The following PCDH11X variants were observed in gnomAD, a reference collection of about 807,000 sequenced individuals.
PCDH11X encodes protocadherin-11 X-linked.
Under a neutral mutation model 53.3 loss-of-function variants are expected in PCDH11X, and 18 were observed. The observed-to-expected ratio is 0.34, with a 90% CI of 0.23 to 0.50. The LOEUF is 0.50. Ranked by LOEUF, PCDH11X falls within the 20% of genes least tolerant of loss-of-function variation. The pLI is 0.98. For missense variants in PCDH11X, 570 were observed against 1,032.4 expected (o/e 0.55, Z 6.14); for synonymous variants, 279 against 393.3 (o/e 0.71, Z 3.44).
chrX:91,813,074 G>A (rs940202880), intron 4 of PCDH11X, among the ~76,000 whole-genome samples: 2 of 111,109 alleles, frequency 1.8e-5, no homozygotes, highest in Admixed American at 9.7e-5. Context: ...TTAACATTCA[G>A]GTAGTAAAGC....
chrX:91,982,859 A>G, intron 6 of PCDH11X: 1 of 904,921 alleles, frequency 1.1e-6, no homozygotes. Context: ...AACGCGTGTT[A>G]CTGTTTCCTG....
chrX:92,090,823 G>C (rs1425718934), intron 6 of PCDH11X, among the ~76,000 whole-genome samples: 1 of 111,768 alleles, frequency 8.9e-6, no homozygotes, highest in Non-Finnish European at 1.9e-5. Context: ...ACAGACAAAT[G>C]GAGATCCAAT....
chrX:91,960,254 G>A (rs1247731735), intron 6 of PCDH11X, among the ~76,000 whole-genome samples: 3 of 107,305 alleles, frequency 2.8e-5, no homozygotes, highest in Non-Finnish European at 5.8e-5. Flanking sequence ...TTCCTTTGCT[G>A]TGTATAAGCT....
chrX:91,880,034 C>T (rs1444766677), intron 6 of PCDH11X: 1 of 610,558 alleles, frequency 1.6e-6, no homozygotes, highest in African/African-American at 2.8e-5. Flanking sequence ...AAAATGTTTG[C>T]TTTCTCTAAT....
intron 7 of PCDH11X, among the ~76,000 whole-genome samples, chrX:92,235,544 C>A (rs2067154462): frequency 1.8e-5 from 2 of 111,421 alleles, no homozygotes; most frequent in African/African-American, 6.5e-5. Flanking sequence ...CAATTTTCTG[C>A]AGATGGAATT....
chrX:91,821,068 T>A (rs1023771553), intron 4 of PCDH11X, among the ~76,000 whole-genome samples: 73 of 105,795 alleles, frequency 6.9e-4, no homozygotes, highest in African/African-American at 2.3e-3. Flanking sequence ...CTGTTTTGGT[T>A]ACTGTAGCCT....
chrX:92,545,236 G>T (rs1268028376), intron 10 of PCDH11X, among the ~76,000 whole-genome samples: 1 of 110,263 alleles, frequency 9.1e-6, no homozygotes, highest in African/African-American at 3.3e-5. Context: ...TGTGCATATT[G>T]TTCCATTTTT....
chrX:92,403,307 G>GGATATGTGTCCACTGC (rs2071425946), intron 9 of PCDH11X, among the ~76,000 whole-genome samples: 1 of 99,980 alleles, frequency 1.0e-5, no homozygotes, highest in East Asian at 3.8e-4. Flanking sequence ...GTGTGTACTG[G>GGATATGTGTCCACTGC]GATATGTGTC....
At chrX:92,490,580 CAGAA>C (rs1201718346) in intron 10 of PCDH11X, among the ~76,000 whole-genome samples, 2 of 110,118 alleles carry the variant, frequency 1.8e-5, no homozygotes, top group Admixed American at 9.9e-5. Flanking sequence ...AGCCAGATGT[CAGAA>C]AGAGAGTCCA....
chrX:92,309,684 A>G (rs1015901473), intron 8 of PCDH11X, among the ~76,000 whole-genome samples: 3 of 111,987 alleles, frequency 2.7e-5, no homozygotes, highest in Non-Finnish European at 5.6e-5. Context: ...AATGAAAGAA[A>G]CAAATTTACA....
At chrX:92,482,473 G>A (rs1385089712) in intron 10 of PCDH11X, among the ~76,000 whole-genome samples, 2 of 110,752 alleles carry the variant, frequency 1.8e-5, no homozygotes, top group African/African-American at 6.6e-5. Context: ...AGTATTTTCA[G>A]CCACTTTTAA....
intron 7 of PCDH11X, among the ~76,000 whole-genome samples, chrX:92,254,635 G>C (rs1311756090): frequency 1.8e-5 from 2 of 108,861 alleles, no homozygotes; most frequent in Admixed American, 2.0e-4. Flanking sequence ...GGGCAGGCCT[G>C]GTGGTGACAA....
intron 6 of PCDH11X, among the ~76,000 whole-genome samples, chrX:92,114,748 G>T (rs759800531): frequency 9.0e-6 from 1 of 111,298 alleles, no homozygotes; most frequent in South Asian, 3.8e-4. Context: ...GCATAAACTT[G>T]CAGCTTCCAT....
chrX:92,472,119 C>T (rs2750754), intron 10 of PCDH11X, among the ~76,000 whole-genome samples: 9,560 of 109,701 alleles, frequency 0.087, 800 homozygotes, highest in East Asian at 0.46. Context: ...AGATCTCATT[C>T]GTCAGTTTTT....
intron 9 of PCDH11X, among the ~76,000 whole-genome samples, chrX:92,393,529 C>A (rs140337897): frequency 3.6e-5 from 4 of 110,559 alleles, no homozygotes; most frequent in East Asian, 2.8e-4. Context: ...CATTGCCTTG[C>A]CAACAGAAAA....
At chrX:92,456,625 G>T (rs1161055545) in intron 9 of PCDH11X, among the ~76,000 whole-genome samples, 1 of 111,343 alleles carries the variant, frequency 9.0e-6, no homozygotes, top group Non-Finnish European at 1.9e-5. Flanking sequence ...ACAGCATTTG[G>T]TTTATTCAAA....
intron 6 of PCDH11X, among the ~76,000 whole-genome samples, chrX:91,955,991 C>G (rs891923823): frequency 2.5e-4 from 28 of 109,837 alleles, no homozygotes; most frequent in Non-Finnish European, 5.1e-4. Flanking sequence ...TGAATTGAAA[C>G]TTTTACCATT....
chrX:92,321,772 C>T (rs1385095708), intron 8 of PCDH11X, among the ~76,000 whole-genome samples: 2 of 111,176 alleles, frequency 1.8e-5, no homozygotes, highest in East Asian at 5.7e-4. Flanking sequence ...GAGTGACTGA[C>T]TTCCCATCTC....
chrX:92,313,528 T>C (rs2069001417), intron 8 of PCDH11X, among the ~76,000 whole-genome samples: 1 of 110,665 alleles, frequency 9.0e-6, no homozygotes, highest in South Asian at 3.9e-4. Flanking sequence ...AAAATTTTCA[T>C]GTAAATTGTA....
Sources: allele counts gnomAD v4.1 joint callset (sites outside exome capture counted in the v4.1 genomes callset), GRCh38; gene constraint gnomAD v4.1.1; transcripts MANE v1.5; gene names NCBI Gene and HGNC (gene_info 2026-07-23, HGNC 2026-07-21).